Variants in GGT5 observed in about 807,000 individuals in gnomAD.
GGT5 encodes the protein glutathione hydrolase 5 proenzyme.
Under a neutral mutation model 58.1 loss-of-function variants are expected in GGT5, and 50 were observed. The ratio of observed to expected loss-of-function variants is 0.86; its 90% confidence interval spans 0.69 to 1.09. The LOEUF (loss-of-function observed/expected upper bound fraction) is 1.09, where lower values mean the gene tolerates loss of function less well. Among genes scored for constraint, GGT5 ranks in the 50% least tolerant of loss-of-function variants. GGT5 has a pLI of 0.00. For synonymous variants in GGT5, 370 were observed against 346.1 expected, an observed-to-expected ratio of 1.07 and a Z score of -0.77; for missense variants, 800 against 789.4, an observed-to-expected ratio of 1.01 and a Z score of -0.16.
rs775698517 is a variant in GGT5 at position 24,244,753 on chromosome 22, G to A, written c.-28C>T. ...CTCTGCAGCCCAGGAGGAGAGGGGCGGCTGGTGGGCAGACGGAGGGACGGA... is the reference window on the plus strand; with the variant it reads ...CTCTGCAGCCCAGGAGGAGAGGGGCAGCTGGTGGGCAGACGGAGGGACGGA... On this transcript the variant is annotated 5_prime_UTR_variant, in exon 1 of 12. Coordinates refer to ENST00000327365, the MANE Select transcript of GGT5 (RefSeq NM_004121.5). The A allele has an allele frequency of 5.0e-5, 79 of 1,581,602 alleles. 1 individual carries two copies. The highest frequency in any genetic ancestry group is 6.4e-5 in the Non-Finnish European group (74 of 1,161,840).
Position 24,234,877 on chromosome 22 carries a change from T to A in GGT5, c.174-873A>T, listed in dbSNP as rs542479088. 3.4e-4 allele frequency among the ~76,000 whole-genome samples: 51 copies of A among 151,820 alleles called. 1 individual carries two copies. The South Asian group carries it at 9.8e-3, about 29-fold the overall frequency. On this transcript the variant is annotated intron_variant, in intron 1 of 11. Coordinates refer to ENST00000327365, the MANE Select transcript of GGT5 (RefSeq NM_004121.5). ...GAAAATAAATGCTCTGGCCTACCCC[T>A]CCCCATCTGTCCATGGGCAGCAAGA...
chr22:24,232,035 C>A lies in GGT5; in HGVS notation c.754+16G>T, dbSNP rs776343371. 59 of 1,608,380 alleles carry A rather than the reference C, an allele frequency of 3.7e-5. No individual in the cohort carries two copies. In the South Asian group the frequency reaches 6.4e-4, roughly 17 times the overall value. On this transcript the variant is annotated intron_variant, in intron 5 of 11. Transcript: ENST00000327365. ...CCTCCAGCAGGGATGGGGTATGGAA[C>A]CTCAGGGAGGCTGACCTTCCTTGGC... is the stretch of plus-strand genomic sequence containing the variant.
At position 24,222,404 on chromosome 22, in the gene GGT5, G is replaced by A. The variant is rs138565161; in HGVS notation, c.1615-2288C>T. ...TTGCCCACTGTCCTTAGACTTGAAG[G>A]CCAAGATCCTTTACTGCTGAAGCCA... On this transcript the variant is annotated intron_variant, in intron 11 of 11. Coordinates refer to ENST00000327365, the MANE Select transcript of GGT5 (RefSeq NM_004121.5). Among the ~76,000 whole-genome samples, 325 of 152,194 alleles carry A rather than the reference G, an allele frequency of 2.1e-3. 2 individuals are homozygous for A. The highest frequency in any genetic ancestry group is 7.5e-3 in the African/African-American group (313 of 41,510).
chr22:24,224,709 C>T (rs1258816362), intron 11 of GGT5, among the ~76,000 whole-genome samples: 1 of 152,192 alleles, frequency 6.6e-6, no homozygotes, highest in African/African-American at 2.4e-5. Context: ...CAGGAAAACT[C>T]ACTTCTGAAA....
At position 24,244,597 on chromosome 22, in the gene GGT5, G is replaced by A. The variant is rs373305235; in HGVS notation, c.129C>T (p.His43=). 22 of 1,612,490 alleles carry A rather than the reference G, an allele frequency of 1.4e-5. No individual in the cohort carries two copies. The East Asian group carries it at 1.8e-4, about 13-fold the overall frequency. ...QAPCGPQAFA[H]AAVAADSKVC... is the part of the protein sequence containing the mutation. ...CCTTGGAGTCGGCGGCAACAGCAGC[G>A]TGGGCAAAGGCCTGGGGGCCACATG... The change falls in exon 1 of 12, where the codon CAC becomes CAT. Residue 43 remains histidine (H), a synonymous_variant. Transcript: ENST00000327365.
At chr22:24,225,957 A>G (rs999848070) in intron 8 of GGT5, 119 bp downstream of exon 8, 1 of 728,788 alleles carries the variant, frequency 1.4e-6, no homozygotes, top group African/African-American at 1.8e-5. Flanking sequence ...AGAGGAGGAG[A>G]AAAAGGGCAA....
intron 1 of GGT5, among the ~76,000 whole-genome samples, chr22:24,238,891 T>TTA (rs549567358): frequency 0.012 from 116 of 9,636 alleles, 9 homozygotes; most frequent in East Asian, 0.011. Context: ...ATTATATATT[T>TTA]TATATATATA....
chr22:24,223,608 A>G (rs2047663191), intron 11 of GGT5, among the ~76,000 whole-genome samples: 1 of 151,940 alleles, frequency 6.6e-6, no homozygotes, highest in African/African-American at 2.4e-5. Context: ...AGGTCTGAAA[A>G]CTAAGGCTCT....
chr22:24,226,842 C>T, intron 6 of GGT5, 75 bp from the exon 7 acceptor site: 3 of 1,273,902 alleles, frequency 2.4e-6, no homozygotes, highest in East Asian at 2.3e-5. Flanking sequence ...CACCCCCCAC[C>T]ACAGAAAGAT....
chr22:24,230,869 G>A (rs545222144), intron 6 of GGT5, among the ~76,000 whole-genome samples: 20 of 152,138 alleles, frequency 1.3e-4, no homozygotes, highest in South Asian at 2.1e-4. Context: ...CCTAGATATC[G>A]GGCTTCTGGC....
intron 1 of GGT5, 150 bp downstream of exon 1, chr22:24,244,403 C>T: frequency 1.4e-6 from 1 of 702,390 alleles, no homozygotes; most frequent in South Asian, 1.7e-5. Context: ...TACACTCACA[C>T]ACACCCACAC....
At chr22:24,225,222 C>G (rs200684960) in intron 10 of GGT5, 23 bp downstream of exon 10, 48 of 1,609,766 alleles carry the variant, frequency 3.0e-5, no homozygotes, top group Middle Eastern at 3.3e-4. Flanking sequence ...AGGAGACACT[C>G]GAGCCAGGAG....
At position 24,244,606 on chromosome 22, in the gene GGT5, G is replaced by T. The variant is rs139431813; in HGVS notation, c.120C>A (p.Ala40=). 7.6e-4 allele frequency: 1,222 copies of T among 1,612,734 alleles called. 10 individuals are homozygous for T. In the African/African-American group the frequency reaches 0.015, roughly 19 times the overall value. ...SRHQAPCGPQ[A]FAHAAVAADS... ...CGGCGGCAACAGCAGCGTGGGCAAA[G>T]GCCTGGGGGCCACATGGGGCCTGGT... is the stretch of plus-strand genomic sequence containing the variant. The change falls in exon 1 of 12, where the codon GCC becomes GCA. Residue 40 remains alanine (A), a synonymous_variant. Coordinates refer to ENST00000327365, the MANE Select transcript of GGT5 (RefSeq NM_004121.5).
intron 6 of GGT5, among the ~76,000 whole-genome samples, chr22:24,231,024 C>T (rs938906365): frequency 1.7e-4 from 26 of 151,762 alleles, no homozygotes; most frequent in South Asian, 1.3e-3. Context: ...TGCAGGCTGC[C>T]TTGGGCTAGG....
Position 24,222,895 on chromosome 22 carries a change from G to A in GGT5, c.1614+2101C>T, listed in dbSNP as rs538750022. Among the ~76,000 whole-genome samples, 9 of 151,778 alleles carry A rather than the reference G, an allele frequency of 5.9e-5. No homozygotes were observed. The East Asian group carries it at 1.2e-3, about 20-fold the overall frequency. ...GATCGAGACCATCCTGGCTAACACG[G>A]TGAAACCCTGTCTCTACTAAAAATA... is the stretch of plus-strand genomic sequence containing the variant. On this transcript the variant is annotated intron_variant, in intron 11 of 11. Transcript: ENST00000327365.
At chr22:24,233,402 A>C in intron 3 of GGT5, 96 bp downstream of exon 3, 1 of 702,674 alleles carries the variant, frequency 1.4e-6, no homozygotes, top group Non-Finnish European at 2.4e-6. Context: ...CCAGGGAGTC[A>C]CAGCCTGTCC....
At chr22:24,236,744 C>G (rs1407802622) in intron 1 of GGT5, among the ~76,000 whole-genome samples, 1 of 136,154 alleles carries the variant, frequency 7.3e-6, no homozygotes, top group African/African-American at 2.9e-5. Flanking sequence ...GCCTGGGCAA[C>G]GGAGAGAGAC....
intron 1 of GGT5, among the ~76,000 whole-genome samples, chr22:24,238,804 TA>T (rs2048192800): frequency 3.6e-4 from 1 of 2,792 alleles, no homozygotes; most frequent in African/African-American, 1.7e-3. Context: ...TTTATATATA[TA>T]TAATATATTA....
Position 24,231,185 on chromosome 22 carries a change from G to A in GGT5, c.901+199C>T, listed in dbSNP as rs558907611. Among the ~76,000 whole-genome samples the A allele has an allele frequency of 2.0e-5, 3 of 152,322 alleles. No individual in the cohort carries two copies. The South Asian group carries it at 6.2e-4, about 32-fold the overall frequency. On this transcript the variant is annotated intron_variant, in intron 6 of 11. Transcript: ENST00000327365. The stretch of plus-strand genomic sequence containing the variant: ...TTCAGCAAAGCCTCACGTATGGGTC[G>A]AGCTGGAGGCCAGCTCTAAAACCCA...
Sources: allele counts gnomAD v4.1 joint callset (sites outside exome capture counted in the v4.1 genomes callset), GRCh38; gene constraint gnomAD v4.1.1; transcripts MANE v1.5; gene names NCBI Gene and HGNC (gene_info 2026-07-23, HGNC 2026-07-21).